Variants in MECOM observed in about 807,000 individuals in gnomAD.
MECOM encodes histone-lysine N-methyltransferase MECOM.
In MECOM, 13 loss-of-function variants were observed where a neutral mutation model predicts 116.3. The observed-to-expected ratio is 0.11, with a 90% CI of 0.07 to 0.18. The LOEUF (loss-of-function observed/expected upper bound fraction) is 0.18, where lower values mean the gene tolerates loss of function less well. Among genes scored for constraint, MECOM ranks in the 10% least tolerant of loss-of-function variants. The probability of loss-of-function intolerance (pLI) is 1.00; values close to 1 mark genes in which losing one functional copy is unlikely to be tolerated. For missense variants in MECOM, 1,299 were observed against 1,509.0 expected (o/e 0.86, Z 2.31); for synonymous variants, 528 against 535.2 (o/e 0.99, Z 0.19).
At chr3:169,662,943 C>A (rs997550739) in intron 1 of MECOM, among the ~76,000 whole-genome samples, 124 of 151,966 alleles carry the variant, frequency 8.2e-4, no homozygotes, top group Middle Eastern at 3.4e-3. Flanking sequence ...AACTCTCCCC[C>A]GCCTGGGGGG....
chr3:169,627,574 G>GA (rs934340808), intron 1 of MECOM, among the ~76,000 whole-genome samples: 1 of 152,062 alleles, frequency 6.6e-6, no homozygotes, highest in Non-Finnish European at 1.5e-5. Flanking sequence ...CTTACACAAG[G>GA]AAAAAAATCA....
intron 1 of MECOM, among the ~76,000 whole-genome samples, chr3:169,453,365 G>A (rs369726820): frequency 6.6e-6 from 1 of 152,294 alleles, no homozygotes; most frequent in South Asian, 2.1e-4. Context: ...TGAATCGCTG[G>A]ATGGAAACTG....
At chr3:169,263,924 A>G (rs1419513085) in intron 2 of MECOM, among the ~76,000 whole-genome samples, 2 of 152,058 alleles carry the variant, frequency 1.3e-5, no homozygotes, top group Non-Finnish European at 2.9e-5. Context: ...TTATTTTTGT[A>G]TTCCACAAGG....
intron 1 of MECOM, among the ~76,000 whole-genome samples, chr3:169,492,789 C>T (rs2108928296): frequency 6.6e-6 from 1 of 152,048 alleles, no homozygotes; most frequent in South Asian, 2.1e-4. Context: ...TGGCTAAACC[C>T]CCTCTACTAA....
At chr3:169,539,723 A>G (rs1413106966) in intron 1 of MECOM, among the ~76,000 whole-genome samples, 1 of 152,088 alleles carries the variant, frequency 6.6e-6, no homozygotes, top group Non-Finnish European at 1.5e-5. Context: ...TCTTTTAAAA[A>G]CGTATATCAG....
chr3:169,116,250 A>G lies in MECOM; in HGVS notation c.1622T>C (p.Ile541Thr). ...TGGGTGTTTAGATAGTGCCTTCAAA[A>G]TATCCTGTGTAGCTGGCAGTATCTG... ...HPQILPATQD[I>T]LKALSKHPSV... Residue 541 changes from isoleucine (I) to threonine (T), a missense_variant, in exon 8 of 17, where the codon ATT becomes ACT. By Grantham distance (89) the Ile-to-Thr change is moderately conservative (BLOSUM62 -1). This residue lies in a region of MECOM where 238 missense variants were observed against 273.1 expected (regional missense o/e 0.87). Transcript: ENST00000651503. 1 of 1,614,130 alleles carries G rather than the reference A, an allele frequency of 6.2e-7. No individual in the cohort carries two copies.
chr3:169,162,062 C>G (rs761501600), intron 2 of MECOM, among the ~76,000 whole-genome samples: 1 of 152,268 alleles, frequency 6.6e-6, no homozygotes, highest in East Asian at 1.9e-4. Flanking sequence ...TGTTTTCAAC[C>G]ATTAAGTTTT....
chr3:169,584,809 C>T (rs1576997652), intron 1 of MECOM, among the ~76,000 whole-genome samples: 2 of 152,064 alleles, frequency 1.3e-5, no homozygotes, highest in South Asian at 2.1e-4. Flanking sequence ...AAGTGGTCCA[C>T]GCTGCCCAGC....
chr3:169,183,125 G>C (rs1257272327), intron 2 of MECOM, among the ~76,000 whole-genome samples: 3 of 152,168 alleles, frequency 2.0e-5, no homozygotes, highest in Non-Finnish European at 4.4e-5. Context: ...TGCAAGTCAA[G>C]CATATAGCAC....
At chr3:169,407,993 A>G (rs1736965493) in intron 1 of MECOM, among the ~76,000 whole-genome samples, 1 of 152,220 alleles carries the variant, frequency 6.6e-6, no homozygotes, top group Admixed American at 6.5e-5. Flanking sequence ...GATCTGCACC[A>G]ACAGTGTTAA....
chr3:169,097,597 T>C lies in MECOM; in HGVS notation c.2850-2352A>G, dbSNP rs114799862. 5.3e-3 allele frequency among the ~76,000 whole-genome samples: 808 copies of C among 151,908 alleles called. 5 individuals are homozygous for C. The highest frequency in any genetic ancestry group is 0.015 in the African/African-American group (607 of 41,446). The stretch of plus-strand genomic sequence containing the variant: ...TAGTAGCAGACTTTGCGGAAGGCAA[T>C]TAGCATATGTAAATCTGAATTTTTT... On this transcript the variant is annotated intron_variant, in intron 12 of 16. Transcript: ENST00000651503.
intron 2 of MECOM, among the ~76,000 whole-genome samples, chr3:169,374,985 C>T (rs1378500038): frequency 6.6e-6 from 1 of 151,822 alleles, no homozygotes; most frequent in Non-Finnish European, 1.5e-5. Context: ...GATCATACCA[C>T]CAAACTACTC....
intron 1 of MECOM, among the ~76,000 whole-genome samples, chr3:169,501,559 T>G (rs1334630757): frequency 6.6e-6 from 1 of 152,112 alleles, no homozygotes; most frequent in African/African-American, 2.4e-5. Context: ...AAAAAATGTT[T>G]ACATGCCATT....
At chr3:169,326,192 G>A (rs889452803) in intron 2 of MECOM, among the ~76,000 whole-genome samples, 1 of 152,034 alleles carries the variant, frequency 6.6e-6, no homozygotes, top group South Asian at 2.1e-4. Context: ...AAGGATCCAG[G>A]GGACAGAGAG....
intron 2 of MECOM, among the ~76,000 whole-genome samples, chr3:169,327,517 AG>A (rs1722038794): frequency 4.0e-5 from 6 of 151,826 alleles, no homozygotes. Context: ...ACATGCCTGT[AG>A]TCTCAGTCAC....
At chr3:169,169,392 C>T (rs1209541533) in intron 2 of MECOM, among the ~76,000 whole-genome samples, 1 of 152,068 alleles carries the variant, frequency 6.6e-6, no homozygotes, top group Non-Finnish European at 1.5e-5. Flanking sequence ...CTGAAATAAT[C>T]AATATGATAT....
At chr3:169,500,509 A>G (rs1375352988) in intron 1 of MECOM, among the ~76,000 whole-genome samples, 1 of 152,064 alleles carries the variant, frequency 6.6e-6, no homozygotes, top group Non-Finnish European at 1.5e-5. Flanking sequence ...CAAAATAATA[A>G]TGGTACTTGT....
At chr3:169,268,244 T>C (rs1758543826) in intron 2 of MECOM, among the ~76,000 whole-genome samples, 1 of 152,174 alleles carries the variant, frequency 6.6e-6, no homozygotes, top group Non-Finnish European at 1.5e-5. Context: ...TGTTATTATC[T>C]CTCCTCCTCT....
At chr3:169,456,633 T>A (rs968720865) in intron 1 of MECOM, among the ~76,000 whole-genome samples, 2 of 151,632 alleles carry the variant, frequency 1.3e-5, no homozygotes, top group African/African-American at 4.8e-5. Context: ...TGAATCAGAG[T>A]CTGCATTTTA....
Sources: allele counts gnomAD v4.1 joint callset (sites outside exome capture counted in the v4.1 genomes callset), GRCh38; gene constraint gnomAD v4.1.1; regional missense constraint gnomAD v4.1.1; transcripts MANE v1.5; gene names NCBI Gene and HGNC (gene_info 2026-07-23, HGNC 2026-07-21).